The following HORMAD2 variants were observed in gnomAD, a reference collection of about 807,000 sequenced individuals.
The protein encoded by HORMAD2 is HORMA domain containing 2, also known as HORMA domain-containing protein 2.
In HORMAD2, 45 loss-of-function variants were observed where a neutral mutation model predicts 38.8. That is an observed-to-expected ratio of 1.16 (90% CI 0.91 to 1.49). The LOEUF is 1.49. HORMAD2 is among the 40% of genes most tolerant of loss of function. The probability of loss-of-function intolerance (pLI) is 0.00; values close to 1 mark genes in which losing one functional copy is unlikely to be tolerated. For missense variants in HORMAD2, 338 were observed against 367.0 expected, an observed-to-expected ratio of 0.92 and a Z score of 0.65; for synonymous variants, 126 against 122.8, an observed-to-expected ratio of 1.03 and a Z score of -0.17.
chr22:30,149,404 A>C (rs1924612881), intron 10 of HORMAD2, among the ~76,000 whole-genome samples: 1 of 152,238 alleles, frequency 6.6e-6, no homozygotes, highest in Non-Finnish European at 1.5e-5. Context: ...AAACATTTCA[A>C]GTGTTCTAGC....
intron 10 of HORMAD2, among the ~76,000 whole-genome samples, chr22:30,146,269 G>C (rs1371599713): frequency 6.6e-6 from 1 of 152,070 alleles, no homozygotes; most frequent in Non-Finnish European, 1.5e-5. Flanking sequence ...GAGGCCAGTG[G>C]ATCACGAGGT....
chr22:30,164,340 G>A (rs906676482), intron 10 of HORMAD2, among the ~76,000 whole-genome samples: 1 of 152,136 alleles, frequency 6.6e-6, no homozygotes, highest in Admixed American at 6.5e-5. Context: ...GGATAATATG[G>A]TAATTCTATT....
intron 7 of HORMAD2, among the ~76,000 whole-genome samples, chr22:30,114,814 C>G (rs1267343639): frequency 1.3e-5 from 2 of 152,156 alleles, no homozygotes; most frequent in African/African-American, 2.4e-5. Context: ...TATGGTACTT[C>G]TGTGCTATAA....
intron 10 of HORMAD2, among the ~76,000 whole-genome samples, chr22:30,130,001 T>C (rs1466808901): frequency 6.6e-6 from 1 of 152,204 alleles, no homozygotes; most frequent in Non-Finnish European, 1.5e-5. Context: ...TTACTCTTGG[T>C]AATCTCTAAC....
chr22:30,153,769 A>T (rs1391672168), intron 10 of HORMAD2, among the ~76,000 whole-genome samples: 2 of 152,128 alleles, frequency 1.3e-5, no homozygotes, highest in Non-Finnish European at 2.9e-5. Context: ...CGACACTATC[A>T]TTTACTTAGT....
intron 10 of HORMAD2, among the ~76,000 whole-genome samples, 194 bp from the exon 11 acceptor site, chr22:30,175,869 C>T (rs1208261766): frequency 2.0e-5 from 3 of 152,142 alleles, no homozygotes; most frequent in Non-Finnish European, 2.9e-5. Flanking sequence ...GACCTCAGCT[C>T]CTGAAACTTG....
chr22:30,122,334 C>A, intron 10 of HORMAD2, 120 bp downstream of exon 10: 1 of 847,584 alleles, frequency 1.2e-6, no homozygotes, highest in Non-Finnish European at 1.7e-6. Context: ...CAAAACTAGT[C>A]TCTGACATCA....
the HORMAD2 span, among the ~76,000 whole-genome samples, chr22:30,198,458 C>T: frequency 5.9e-5 from 9 of 152,164 alleles, no homozygotes; most frequent in African/African-American, 2.2e-4. Flanking sequence ...CTGAGTGTCT[C>T]CCCCAGAGGT....
rs757608874 is a variant in HORMAD2 at position 30,127,199 on chromosome 22, C to CTTT, written c.819+5010_819+5012dup. On this transcript the variant is annotated intron_variant, in intron 10 of 10. Coordinates refer to ENST00000336726, the MANE Select transcript of HORMAD2 (RefSeq NM_152510.4). ...ATGAGGTGTTTTATAAACAGAAGTTCTTTTTTTTTTTTTTTTTTTTTTTTT... is the reference window on the plus strand; with the variant it reads ...ATGAGGTGTTTTATAAACAGAAGTTCTTTTTTTTTTTTTTTTTTTTTTTTTTTT... 2.3e-3 allele frequency among the ~76,000 whole-genome samples: 182 copies of CTTT among 79,804 alleles called. 37 individuals are homozygous for CTTT. The highest frequency in any genetic ancestry group is 6.9e-3 in the African/African-American group (142 of 20,546). The allele number at this position is 79,804 out of a possible 152,430, so 52.4% of individuals were successfully genotyped here. A position where few individuals can be genotyped will look rare whatever the true frequency, so the allele number is the denominator to read the frequency against.
At chr22:30,128,910 C>T (rs1569102013) in intron 10 of HORMAD2, among the ~76,000 whole-genome samples, 1 of 152,062 alleles carries the variant, frequency 6.6e-6, no homozygotes, top group African/African-American at 2.4e-5. Context: ...TTTTTTGAAT[C>T]CCTATTAAGA....
intron 7 of HORMAD2, among the ~76,000 whole-genome samples, chr22:30,114,542 G>A (rs1331635377): frequency 2.6e-5 from 4 of 152,212 alleles, no homozygotes; most frequent in Admixed American, 1.3e-4. Context: ...CATAAACATC[G>A]TCTTTGGCAT....
intron 5 of HORMAD2, 61 bp from the exon 6 acceptor site, chr22:30,111,735 A>G (rs1463410897): frequency 6.1e-6 from 8 of 1,306,614 alleles, no homozygotes; most frequent in African/African-American, 1.5e-5. Flanking sequence ...GTCTATTGAA[A>G]AGAATGATAA....
At chr22:30,098,738 A>G in intron 2 of HORMAD2, 114 bp from the exon 3 acceptor site, 1 of 856,850 alleles carries the variant, frequency 1.2e-6, no homozygotes, top group Non-Finnish European at 1.7e-6. Flanking sequence ...ATTACCTTCA[A>G]AGATATCAAA....
the HORMAD2 span, among the ~76,000 whole-genome samples, chr22:30,201,915 C>T: frequency 1.3e-5 from 2 of 152,144 alleles, no homozygotes; most frequent in African/African-American, 4.8e-5. Flanking sequence ...AGAAATGCTA[C>T]GGGAACTATG....
At chr22:30,160,557 T>C (rs1925379233) in intron 10 of HORMAD2, among the ~76,000 whole-genome samples, 3 of 152,176 alleles carry the variant, frequency 2.0e-5, no homozygotes. Context: ...AGATGGTTTT[T>C]GCAAGGATGT....
chr22:30,174,844 C>G (rs2123746542), intron 10 of HORMAD2, among the ~76,000 whole-genome samples: 1 of 152,160 alleles, frequency 6.6e-6, no homozygotes, highest in Non-Finnish European at 1.5e-5. Flanking sequence ...GTTGCTATTT[C>G]CTTTCCTTTA....
At position 30,174,691 on chromosome 22, in the gene HORMAD2, A is replaced by T. The variant is rs188402030; in HGVS notation, c.820-1372A>T. Among the ~76,000 whole-genome samples, 13 of 152,300 alleles carry T rather than the reference A, an allele frequency of 8.5e-5. No homozygotes were observed. The South Asian group carries it at 1.2e-3, about 15-fold the overall frequency. On this transcript the variant is annotated intron_variant, in intron 10 of 10. Coordinates refer to ENST00000336726, the MANE Select transcript of HORMAD2 (RefSeq NM_152510.4). ...CTTCTTTCATGTGTACCCAGATTTG[A>T]TAGAAGTGAGGATAGTTTGGTTTGA...
intron 10 of HORMAD2, among the ~76,000 whole-genome samples, chr22:30,148,281 A>G (rs1014891809): frequency 6.6e-6 from 1 of 152,216 alleles, no homozygotes; most frequent in African/African-American, 2.4e-5. Context: ...TTAGATGCAA[A>G]AGACTAAATA....
intron 2 of HORMAD2, among the ~76,000 whole-genome samples, chr22:30,098,180 A>G (rs1331249440): frequency 6.6e-6 from 1 of 152,186 alleles, no homozygotes; most frequent in Non-Finnish European, 1.5e-5. Flanking sequence ...GAACAGAAAT[A>G]GGGACCTGAA....
Sources: gnomAD v4.1 joint callset for allele counts (sites outside exome capture counted in the v4.1 genomes callset) on GRCh38, gnomAD v4.1.1 for gene constraint, MANE v1.5 for transcripts, NCBI Gene and HGNC (gene_info 2026-07-23, HGNC 2026-07-21) for gene names.